Variants in ME1 observed in about 807,000 individuals in gnomAD.
The protein encoded by ME1 is NADP-dependent malic enzyme.
A neutral mutation model predicts 66.4 loss-of-function variants in ME1; 74 were observed. The observed-to-expected ratio is 1.11, with a 90% CI of 0.92 to 1.35. The LOEUF (loss-of-function observed/expected upper bound fraction) is 1.35. Among genes scored for constraint, ME1 ranks in the 40% most tolerant of loss-of-function variants. The pLI, the probability that ME1 is intolerant of heterozygous loss-of-function variation, is 0.00. For missense variants in ME1, 750 were observed against 694.1 expected (o/e 1.08, Z -0.90); for synonymous variants, 251 against 235.6 (o/e 1.07, Z -0.60).
At chr6:83,388,403 A>G (rs779803495) in intron 3 of ME1, among the ~76,000 whole-genome samples, 43 of 152,252 alleles carry the variant, frequency 2.8e-4, no homozygotes, top group Middle Eastern at 3.4e-3. Context: ...TGAACTTTCT[A>G]TCTCTCTCAA....
At chr6:83,396,885 G>A (rs1769742657) in intron 3 of ME1, among the ~76,000 whole-genome samples, 1 of 152,046 alleles carries the variant, frequency 6.6e-6, no homozygotes, top group Non-Finnish European at 1.5e-5. Flanking sequence ...GTGAAATGGA[G>A]AAAGAACAGT....
intron 1 of ME1, among the ~76,000 whole-genome samples, chr6:83,418,132 CT>C (rs1770196723): frequency 6.6e-6 from 1 of 152,208 alleles, no homozygotes; most frequent in South Asian, 2.1e-4. Flanking sequence ...TTTCTCTCTG[CT>C]TTTACAGTTA....
chr6:83,302,494 T>C (rs1241018425), intron 6 of ME1, among the ~76,000 whole-genome samples: 5 of 152,208 alleles, frequency 3.3e-5, no homozygotes. Flanking sequence ...TAACAACATA[T>C]ATTATAAAGG....
At position 83,239,577 on chromosome 6, in the gene ME1, G is replaced by A. The variant is rs1180353473; in HGVS notation, c.874C>T (p.Leu292=). 2 of 1,613,370 alleles carry A rather than the reference G, an allele frequency of 1.2e-6. No homozygotes were observed. Among genetic ancestry groups the A allele is most frequent in the South Asian group, 1.1e-5 (1 of 91,010 alleles). ...TGGAATAGTATTGTTTGATCAGACAGTTTGTTCTTGGTTATTCGAAGAGCT... is the reference window on the plus strand; with the variant it reads ...TGGAATAGTATTGTTTGATCAGACAATTTGTTCTTGGTTATTCGAAGAGCT... ...LAALRITKNK[L]SDQTILFQGA... is the part of the protein sequence containing the mutation. Residue 292 remains leucine (L), a synonymous_variant, in exon 8 of 14, where the codon CTG becomes TTG. Coordinates refer to ENST00000369705, the MANE Select transcript of ME1 (RefSeq NM_002395.6).
chr6:83,381,501 A>G (rs1351621764), intron 3 of ME1, among the ~76,000 whole-genome samples: 1 of 151,508 alleles, frequency 6.6e-6, no homozygotes, highest in Admixed American at 6.6e-5. Flanking sequence ...TATGTACAGG[A>G]GACCTTCTTA....
intron 6 of ME1, among the ~76,000 whole-genome samples, chr6:83,313,823 T>C (rs1167734866): frequency 6.6e-6 from 1 of 152,094 alleles, no homozygotes. Context: ...ATAATTACAA[T>C]AAATAAATCA....
chr6:83,217,966 A>G (rs1344725738), intron 12 of ME1, among the ~76,000 whole-genome samples: 2 of 152,204 alleles, frequency 1.3e-5, no homozygotes, highest in Admixed American at 6.5e-5. Flanking sequence ...TACTAGTATA[A>G]CTATTTGTTT....
intron 5 of ME1, among the ~76,000 whole-genome samples, chr6:83,327,217 C>T (rs910166609): frequency 6.6e-6 from 1 of 152,070 alleles, no homozygotes; most frequent in African/African-American, 2.4e-5. Context: ...AATTGTACAG[C>T]ACAGCATGTG....
At chr6:83,280,661 T>A (rs1173331669) in intron 6 of ME1, among the ~76,000 whole-genome samples, 3 of 152,152 alleles carry the variant, frequency 2.0e-5, no homozygotes, top group Admixed American at 6.5e-5. Context: ...GGCAAGATGG[T>A]AAATAAACAA....
At chr6:83,380,789 T>C (rs866722121) in intron 3 of ME1, among the ~76,000 whole-genome samples, 3 of 152,184 alleles carry the variant, frequency 2.0e-5, no homozygotes, top group Middle Eastern at 3.4e-3. Context: ...AAATCTAGGC[T>C]ACAAATATTG....
Position 83,430,888 on chromosome 6 carries a change from G to C in ME1, c.67C>G (p.His23Asp), listed in dbSNP as rs769659387. ...QRGYLLTRNP[H>D]LNKDLAFTLE... The stretch of plus-strand genomic sequence containing the variant: ...GCCTGCGGGTTTACCTTGTTGAGGT[G>C]AGGGTTCCGTGTCAGCAGGTAGCCG... The change falls in exon 1 of 14, where the codon CAC (histidine) becomes GAC (aspartate). Residue 23 changes from histidine to aspartate, a missense_variant. Coordinates refer to ENST00000369705, the MANE Select transcript of ME1 (RefSeq NM_002395.6). 1.2e-6 allele frequency: 2 copies of C among 1,602,760 alleles called. No homozygotes were observed. Among genetic ancestry groups the C allele is most frequent in the South Asian group, 2.2e-5 (2 of 89,618 alleles).
chr6:83,289,574 G>C (rs962278325), intron 6 of ME1, among the ~76,000 whole-genome samples: 1 of 152,122 alleles, frequency 6.6e-6, no homozygotes, highest in African/African-American at 2.4e-5. Context: ...TGTTCATCAG[G>C]GATATTGGCC....
chr6:83,419,388 T>G (rs1770222911), intron 1 of ME1, among the ~76,000 whole-genome samples: 1 of 152,200 alleles, frequency 6.6e-6, no homozygotes, highest in African/African-American at 2.4e-5. Flanking sequence ...TCTATAAAAT[T>G]CACATACATA....
chr6:83,348,937 TCA>T (rs1583394326), intron 4 of ME1, among the ~76,000 whole-genome samples: 4 of 129,638 alleles, frequency 3.1e-5, no homozygotes, highest in East Asian at 4.7e-4. Context: ...TGAGCAGAGA[TCA>T]CACCACTGCA....
chr6:83,387,635 A>G (rs192355024), intron 3 of ME1, among the ~76,000 whole-genome samples: 89 of 152,300 alleles, frequency 5.8e-4, no homozygotes, highest in Admixed American at 1.0e-3. Context: ...CACAATTTAA[A>G]TAATGAATAC....
rs552024479 is a variant in ME1, at chr6:83,387,758, T to C, written c.362+10609A>G. ...TGGCTGATTTTAATATTTCCTTTTATGCATTTTTCAAAGAATTTTCTAGGA... is the reference window on the plus strand; with the variant it reads ...TGGCTGATTTTAATATTTCCTTTTACGCATTTTTCAAAGAATTTTCTAGGA... On this transcript the variant is annotated intron_variant, in intron 3 of 13. Transcript: ENST00000369705. Among the ~76,000 whole-genome samples, 11 of 152,322 alleles carry C rather than the reference T, an allele frequency of 7.2e-5. No individual in the cohort carries two copies. The South Asian group carries it at 2.1e-3, about 29-fold the overall frequency.
intron 5 of ME1, among the ~76,000 whole-genome samples, chr6:83,324,766 C>T (rs1342531416): frequency 2.0e-5 from 3 of 148,808 alleles, no homozygotes; most frequent in Non-Finnish European, 4.4e-5. Context: ...GATTCACAGC[C>T]GTATTCTAAC....
At chr6:83,263,964 G>C (rs768132829) in intron 6 of ME1, among the ~76,000 whole-genome samples, 26 of 152,120 alleles carry the variant, frequency 1.7e-4, no homozygotes, top group Non-Finnish European at 3.4e-4. Flanking sequence ...AGACAAAATA[G>C]CCTTCTGTAG....
intron 5 of ME1, among the ~76,000 whole-genome samples, chr6:83,342,605 G>A (rs756643859): frequency 2.0e-5 from 3 of 152,136 alleles, no homozygotes; most frequent in South Asian, 4.1e-4. Flanking sequence ...TTTTTATAGG[G>A]TACACGTGAT....
Sources: gnomAD v4.1 joint callset for allele counts (sites outside exome capture counted in the v4.1 genomes callset) on GRCh38, gnomAD v4.1.1 for gene constraint, MANE v1.5 for transcripts, NCBI Gene and HGNC (gene_info 2026-07-23, HGNC 2026-07-21) for gene names.